The following ABCB1 variants were observed in gnomAD, a reference collection of about 807,000 sequenced individuals.
The protein encoded by ABCB1 is ATP binding cassette subfamily B member 1.
In ABCB1, 69 loss-of-function variants were observed where a neutral mutation model predicts 142.0. The observed-to-expected ratio is 0.49, with a 90% CI of 0.40 to 0.59. The LOEUF (loss-of-function observed/expected upper bound fraction) is 0.59, where lower values mean the gene tolerates loss of function less well. Ranked by LOEUF, ABCB1 falls within the 20% of genes least tolerant of loss-of-function variation. ABCB1 has a pLI of 0.00. For missense variants in ABCB1, 1,326 were observed against 1,554.7 expected (o/e 0.85, Z 2.47); for synonymous variants, 532 against 539.2 (o/e 0.99, Z 0.18).
At chr7:87,609,641 T>C (rs2130046092) in intron 1 of ABCB1, among the ~76,000 whole-genome samples, 1 of 152,306 alleles carries the variant, frequency 6.6e-6, no homozygotes, top group South Asian at 2.1e-4. Context: ...CTATTTTACT[T>C]CACTTTTGCA....
At chr7:87,538,635 T>A (rs535357355) in intron 19 of ABCB1, among the ~76,000 whole-genome samples, 1 of 152,188 alleles carries the variant, frequency 6.6e-6, no homozygotes, top group Non-Finnish European at 1.5e-5. Flanking sequence ...TTAAAGGAAC[T>A]TTCCCCTTTG....
In ABCB1 at chr7:87,539,300, G is replaced by A. The variant is rs1373964332; in HGVS notation, c.2365C>T (p.Arg789Ter). The change falls in exon 19 of 28, where the codon CGA becomes TGA. Residue 789 changes from arginine to a stop codon, truncating the protein, a stop_gained. Coordinates refer to ENST00000622132, the MANE Select transcript of ABCB1 (RefSeq NM_001348946.2). LOFTEE classifies it high-confidence loss of function. ...AGCATGGATCGGAAAACCATGTATC[G>A]GAGCCGCTTGGTGAGGATCTCTCCA... ...KAGEILTKRL[R>*]YMVFRSMLRQ... 3.1e-6 allele frequency: 5 copies of A among 1,614,136 alleles called. No individual in the cohort carries two copies. Among genetic ancestry groups the A allele is most frequent in the Non-Finnish European group, 3.4e-6 (4 of 1,179,988 alleles).
intron 1 of ABCB1, among the ~76,000 whole-genome samples, chr7:87,697,520 G>A (rs1476374421): frequency 6.6e-6 from 1 of 152,180 alleles, no homozygotes; most frequent in Admixed American, 6.5e-5. Flanking sequence ...AGTTGGATTA[G>A]GGAGTAAGTT....
intron 24 of ABCB1, among the ~76,000 whole-genome samples, chr7:87,515,781 G>C (rs1815216331): frequency 6.6e-6 from 1 of 150,788 alleles, no homozygotes; most frequent in Non-Finnish European, 1.5e-5. Context: ...ATTTTTATTT[G>C]AGATGGAGTT....
chr7:87,590,208 T>A (rs964805708), intron 3 of ABCB1, among the ~76,000 whole-genome samples: 1 of 152,182 alleles, frequency 6.6e-6, no homozygotes, highest in Non-Finnish European at 1.5e-5. Context: ...AAGCTACCTA[T>A]CCTCACAAAG....
intron 1 of ABCB1, among the ~76,000 whole-genome samples, chr7:87,643,941 C>G (rs1040966595): frequency 6.6e-6 from 1 of 151,540 alleles, no homozygotes; most frequent in African/African-American, 2.4e-5. Flanking sequence ...TCACTGCAAC[C>G]TGTTCCTCCC....
chr7:87,686,499 G>A (rs541283988), intron 1 of ABCB1, among the ~76,000 whole-genome samples: 1 of 152,228 alleles, frequency 6.6e-6, no homozygotes, highest in Admixed American at 6.5e-5. Context: ...ATTATTTATG[G>A]ACTGACTGGT....
chr7:87,684,787 TAGAG>T (rs1355851782), intron 1 of ABCB1, among the ~76,000 whole-genome samples: 5 of 113,968 alleles, frequency 4.4e-5, no homozygotes, highest in Non-Finnish European at 9.3e-5. Context: ...TAGAATAGAA[TAGAG>T]AGTTTGGAAA....
intron 1 of ABCB1, among the ~76,000 whole-genome samples, chr7:87,637,570 T>A (rs966891510): frequency 1.3e-4 from 20 of 152,144 alleles, no homozygotes; most frequent in Admixed American, 9.8e-4. Flanking sequence ...TTTCTTTATA[T>A]GTTTAAATAT....
At chr7:87,679,284 G>T (rs537553512) in intron 1 of ABCB1, among the ~76,000 whole-genome samples, 1 of 149,152 alleles carries the variant, frequency 6.7e-6, no homozygotes, top group African/African-American at 2.5e-5. Context: ...TAGTAGAGAC[G>T]GAGTTTCACA....
chr7:87,589,805 G>GGAGAGA (rs370840500), intron 3 of ABCB1, among the ~76,000 whole-genome samples: 5,689 of 105,204 alleles, frequency 0.054, 204 homozygotes, highest in African/African-American at 0.11. Context: ...GAGAGAGAGA[G>GGAGAGA]GAGAGAGAGA....
chr7:87,617,309 T>C (rs987054271), intron 1 of ABCB1, among the ~76,000 whole-genome samples: 5 of 152,216 alleles, frequency 3.3e-5, no homozygotes, highest in African/African-American at 1.2e-4. Flanking sequence ...TTCTTTTTGA[T>C]AGAAGATAAC....
intron 4 of ABCB1, among the ~76,000 whole-genome samples, chr7:87,583,569 G>A (rs1321602937): frequency 6.6e-6 from 1 of 152,062 alleles, no homozygotes; most frequent in Non-Finnish European, 1.5e-5. Flanking sequence ...TTACCAGCTG[G>A]CAAGCTGTGG....
intron 1 of ABCB1, among the ~76,000 whole-genome samples, chr7:87,632,149 T>C (rs889692321): frequency 1.3e-5 from 2 of 151,992 alleles, no homozygotes; most frequent in Admixed American, 1.3e-4. Flanking sequence ...ATCATTCTAG[T>C]GTATCCACTT....
At chr7:87,521,180 G>A (rs943461981) in intron 21 of ABCB1, 1 of 408,958 alleles carries the variant, frequency 2.4e-6, no homozygotes, top group African/African-American at 2.0e-5. Context: ...AGAACTCACA[G>A]TACTTCTATT....
Position 87,634,560 on chromosome 7 carries a change from G to A in ABCB1, c.-330-33482C>T, listed in dbSNP as rs78355190. Among the ~76,000 whole-genome samples the A allele has an allele frequency of 1.1e-4, 17 of 151,666 alleles. No individual in the cohort carries two copies. In the East Asian group the frequency reaches 1.9e-3, roughly 17 times the overall value. ...AGGAGAATCACTTGAACCCTGGGGC[G>A]GAGGTTGCAGTGAGCCGAGATTCAC... On this transcript the variant is annotated intron_variant, in intron 1 of 28. Coordinates refer to the ABCB1 transcript ENST00000265724.
At chr7:87,661,053 T>G (rs1824655432) in intron 1 of ABCB1, among the ~76,000 whole-genome samples, 1 of 151,976 alleles carries the variant, frequency 6.6e-6, no homozygotes, top group African/African-American at 2.4e-5. Flanking sequence ...GTTATTTACA[T>G]TTTTTGGCTT....
At chr7:87,535,670 A>G (rs10248420) in intron 20 of ABCB1, among the ~76,000 whole-genome samples, 40,629 of 152,084 alleles carry the variant, frequency 0.27, 7,040 homozygotes, top group African/African-American at 0.48. Context: ...AACTCTATGT[A>G]TTTCCTCATT....
chr7:87,645,653 C>G (rs1822930350), intron 1 of ABCB1, among the ~76,000 whole-genome samples: 1 of 152,102 alleles, frequency 6.6e-6, no homozygotes, highest in South Asian at 2.1e-4. Flanking sequence ...TCATCATTAT[C>G]AGGAAATAGC....
Sources: gnomAD v4.1 joint callset for allele counts (sites outside exome capture counted in the v4.1 genomes callset) on GRCh38, gnomAD v4.1.1 for gene constraint, MANE v1.5 for transcripts, NCBI Gene and HGNC (gene_info 2026-07-23, HGNC 2026-07-21) for gene names.